Variants in ULK4 observed in about 807,000 individuals in gnomAD.
The protein encoded by ULK4 is inactive serine/threonine-protein kinase ULK4.
Under a neutral mutation model 160.6 loss-of-function variants are expected in ULK4, and 133 were observed. The observed-to-expected ratio is 0.83, with a 90% CI of 0.72 to 0.96. ULK4 has a LOEUF of 0.96. Among genes scored for constraint, ULK4 ranks in the 40% least tolerant of loss-of-function variants. The pLI, the probability that ULK4 is intolerant of heterozygous loss-of-function variation, is 0.00. For missense variants in ULK4, 1,580 were observed against 1,499.5 expected (o/e 1.05, Z -0.89); for synonymous variants, 534 against 539.8 (o/e 0.99, Z 0.15).
chr3:41,645,180 TG>T (rs1322604513), intron 30 of ULK4, among the ~76,000 whole-genome samples: 1 of 149,360 alleles, frequency 6.7e-6, no homozygotes, highest in East Asian at 1.9e-4. Flanking sequence ...GGGTTTTTTG[TG>T]TCGTATTTCC....
At chr3:41,774,134 G>T (rs1004002084) in intron 21 of ULK4, among the ~76,000 whole-genome samples, 1 of 152,082 alleles carries the variant, frequency 6.6e-6, no homozygotes, top group African/African-American at 2.4e-5. Flanking sequence ...AGAAAACCTA[G>T]GCATTACCAT....
At chr3:41,641,801 A>G (rs2125717490) in intron 30 of ULK4, among the ~76,000 whole-genome samples, 2 of 151,538 alleles carry the variant, frequency 1.3e-5, no homozygotes, top group South Asian at 4.2e-4. Flanking sequence ...AAGAAGAGTA[A>G]TTGTTTCCTA....
At chr3:41,915,849 C>G in intron 8 of ULK4, 128 bp downstream of exon 8, 1 of 643,472 alleles carries the variant, frequency 1.6e-6, no homozygotes. Flanking sequence ...ATATTAAGAA[C>G]AGCACCATTT....
At chr3:41,572,314 T>G (rs2088006085) in intron 31 of ULK4, among the ~76,000 whole-genome samples, 2 of 152,088 alleles carry the variant, frequency 1.3e-5, no homozygotes, top group African/African-American at 4.8e-5. Context: ...TGGGAGGAAC[T>G]GAAAGAAGCC....
chr3:41,749,445 T>C (rs1280025715), intron 22 of ULK4, among the ~76,000 whole-genome samples: 1 of 152,168 alleles, frequency 6.6e-6, no homozygotes, highest in African/African-American at 2.4e-5. Flanking sequence ...ATCACACCAC[T>C]GCACTACAGC....
Position 41,883,841 on chromosome 3 carries a change from C to T in ULK4, c.1656+33G>A, listed in dbSNP as rs773498107. ...CAGAATCAAGAACAGTATTTCTTGA[C>T]ATTCATCACATTTAAGTAATAAAAG... On this transcript the variant is annotated intron_variant, in intron 17 of 36. Transcript: ENST00000301831. 3.9e-6 allele frequency: 6 copies of T among 1,521,248 alleles called. No homozygotes were observed. The East Asian group carries it at 1.1e-4, about 29-fold the overall frequency. 94.2% of individuals were successfully genotyped at this position (1,521,248 alleles called of 1,614,324 possible).
intron 35 of ULK4, among the ~76,000 whole-genome samples, chr3:41,377,680 T>C (rs1458076908): frequency 2.7e-5 from 4 of 147,272 alleles, no homozygotes; most frequent in African/African-American, 1.0e-4. Context: ...TGAGATACCA[T>C]CTCACACCAG....
chr3:41,923,568 A>G (rs994242328), intron 5 of ULK4, among the ~76,000 whole-genome samples: 3 of 152,296 alleles, frequency 2.0e-5, no homozygotes, highest in Non-Finnish European at 4.4e-5. Flanking sequence ...GGCCTGCCTT[A>G]GCATCCCCTC....
intron 22 of ULK4, among the ~76,000 whole-genome samples, chr3:41,736,877 T>A (rs1269189341): frequency 6.6e-6 from 1 of 151,780 alleles, no homozygotes; most frequent in African/African-American, 2.4e-5. Context: ...GTCTAAGGTG[T>A]AAGGAAGGGA....
At chr3:41,850,368 A>G (rs572047365) in intron 17 of ULK4, among the ~76,000 whole-genome samples, 1 of 152,078 alleles carries the variant, frequency 6.6e-6, no homozygotes, top group East Asian at 1.9e-4. Flanking sequence ...CTAGTTCTAG[A>G]TCTCTGAGGA....
At chr3:41,819,293 G>C (rs2041063952) in intron 19 of ULK4, 130 bp downstream of exon 19, 2 of 767,324 alleles carry the variant, frequency 2.6e-6, no homozygotes, top group African/African-American at 3.5e-5. Flanking sequence ...TAGGTTGTCG[G>C]GATTATTTAA....
chr3:41,809,513 TTG>T (rs2040755744), intron 19 of ULK4, among the ~76,000 whole-genome samples: 1 of 152,164 alleles, frequency 6.6e-6, no homozygotes. Flanking sequence ...AAGATTATAT[TTG>T]TGTGTGGTGC....
intron 30 of ULK4, among the ~76,000 whole-genome samples, chr3:41,657,649 C>T (rs144696507): frequency 6.6e-6 from 1 of 151,720 alleles, no homozygotes; most frequent in South Asian, 2.1e-4. Context: ...GAAACCCCAT[C>T]TCTACTAAAA....
At chr3:41,783,086 G>T (rs1170269375) in intron 21 of ULK4, among the ~76,000 whole-genome samples, 1 of 151,620 alleles carries the variant, frequency 6.6e-6, no homozygotes, top group Non-Finnish European at 1.5e-5. Flanking sequence ...ATGTCAACGC[G>T]TACATGTGTA....
chr3:41,742,544 C>G (rs187856498), intron 22 of ULK4, among the ~76,000 whole-genome samples: 2 of 151,852 alleles, frequency 1.3e-5, no homozygotes, highest in Non-Finnish European at 2.9e-5. Flanking sequence ...GACTCAAGAC[C>G]TAGGCAAAAT....
At chr3:41,480,334 C>A (rs1365830363) in intron 32 of ULK4, among the ~76,000 whole-genome samples, 1 of 151,602 alleles carries the variant, frequency 6.6e-6, no homozygotes, top group Admixed American at 6.6e-5. Flanking sequence ...TGTAAATACA[C>A]AGATATATTA....
intron 21 of ULK4, among the ~76,000 whole-genome samples, chr3:41,783,998 A>G (rs566031693): frequency 2.6e-5 from 4 of 152,184 alleles, no homozygotes; most frequent in Admixed American, 1.3e-4. Context: ...AACCTACAAG[A>G]TTTTTTCTTC....
chr3:41,619,381 A>T (rs2033134807), intron 30 of ULK4, among the ~76,000 whole-genome samples: 1 of 151,998 alleles, frequency 6.6e-6, no homozygotes, highest in Non-Finnish European at 1.5e-5. Context: ...AGAAGTAAAC[A>T]CTCCTCAGCA....
At chr3:41,910,288 C>A (rs1252225996) in intron 11 of ULK4, among the ~76,000 whole-genome samples, 1 of 152,112 alleles carries the variant, frequency 6.6e-6, no homozygotes, top group African/African-American at 2.4e-5. Context: ...ATTATTCAAG[C>A]CTCACATATA....
Sources: gnomAD v4.1 joint callset for allele counts (sites outside exome capture counted in the v4.1 genomes callset) on GRCh38, gnomAD v4.1.1 for gene constraint, MANE v1.5 for transcripts, NCBI Gene and HGNC (gene_info 2026-07-23, HGNC 2026-07-21) for gene names.